The following CHIT1 variants were observed in gnomAD, a reference collection of about 807,000 sequenced individuals.
CHIT1 encodes the protein chitotriosidase-1.
A neutral mutation model predicts 52.0 loss-of-function variants in CHIT1; 47 were observed. That is an observed-to-expected ratio of 0.90 (90% CI 0.71 to 1.15). CHIT1 has a LOEUF of 1.15. CHIT1 is among the 50% of genes most tolerant of loss of function. The pLI, the probability that CHIT1 is intolerant of heterozygous loss-of-function variation, is 0.00. For missense variants in CHIT1, 569 were observed against 583.0 expected (o/e 0.98, Z 0.25); for synonymous variants, 242 against 228.2 (o/e 1.06, Z -0.54).
At chr1:203,217,962 C>T (rs1656598724) in intron 9 of CHIT1, 97 bp from the exon 10 acceptor site, 1 of 1,540,268 alleles carries the variant, frequency 6.5e-7, no homozygotes, top group Non-Finnish European at 8.7e-7. Context: ...CTTTTTGCTC[C>T]AGCAGCCTCA....
rs1221437568 is a variant in CHIT1, at chr1:203,222,284, C to A, written c.647G>T (p.Gly216Val). Residue 216 changes from glycine to valine, a missense_variant, in exon 7 of 11, where the codon GGC becomes GTC. Transcript: ENST00000367229. ...FVNLMAYDFH[G>V]SWEKVTGHNS... ...ATGTCCCGTGACCTTCTCCCAAGAGCCATGGAAGTCGTAGGCCATAAGGTT... is the reference window on the plus strand; with the variant it reads ...ATGTCCCGTGACCTTCTCCCAAGAGACATGGAAGTCGTAGGCCATAAGGTT... 1.9e-6 allele frequency: 3 copies of A among 1,614,202 alleles called. No homozygotes were observed. The highest frequency in any genetic ancestry group is 1.1e-5 in the South Asian group (1 of 91,088).
chr1:203,219,522 G>T, intron 8 of CHIT1, 142 bp downstream of exon 8: 1 of 1,094,120 alleles, frequency 9.1e-7, no homozygotes, highest in Non-Finnish European at 1.4e-6. Context: ...AATTCAAGAT[G>T]GCATGGATGA....
chr1:203,225,099 G>C lies in CHIT1; in HGVS notation c.263C>G (p.Pro88Arg), dbSNP rs780037348. 16 of 1,613,642 alleles carry C rather than the reference G, an allele frequency of 9.9e-6. No homozygotes were observed. The Admixed American group carries it at 2.5e-4, about 25-fold the overall frequency. The change falls in exon 4 of 11, where the codon CCC (proline) becomes CGC (arginine). Residue 88 changes from proline (P) to arginine (R), a missense_variant. Transcript: ENST00000367229. ...GATGGCTAACAGGGTCTTCAGCTTGGGATTCCTGGGAAAGACAGGAGACAC... is the reference window on the plus strand; with the variant it reads ...GATGGCTAACAGGGTCTTCAGCTTGCGATTCCTGGGAAAGACAGGAGACAC... The part of the protein sequence containing the change: ...QEFNGLKKMN[P>R]KLKTLLAIGG...
rs1571844330 is a variant in CHIT1 at position 203,219,694 on chromosome 1, G to A, written c.885C>T (p.Thr295=). The change falls in exon 8 of 11, where the codon ACC becomes ACT. Residue 295 remains threonine, a synonymous_variant. Transcript: ENST00000367229. Reference sequence around the variant, plus strand: ...AGTAGGCCAGCATCCCTCCTTCCTTGGTGAAGGGGCCTGGAGTGCCAGACC... The same window carrying A: ...AGTAGGCCAGCATCCCTCCTTCCTTAGTGAAGGGGCCTGGAGTGCCAGACC... The part of the protein sequence containing the change: ...ATGSGTPGPF[T]KEGGMLAYYE... The A allele has an allele frequency of 6.2e-7, 1 of 1,614,162 alleles. No individual in the cohort carries two copies. Among genetic ancestry groups the A allele is most frequent in the East Asian group, 2.2e-5 (1 of 44,878 alleles).
intron 7 of CHIT1, among the ~76,000 whole-genome samples, chr1:203,221,182 G>A (rs1656717563): frequency 6.6e-6 from 1 of 152,232 alleles, no homozygotes; most frequent in Admixed American, 6.5e-5. Flanking sequence ...ATACAGAGAT[G>A]TGGGCTCTCC....
chr1:203,219,486 G>A (rs1656653564), intron 8 of CHIT1, 157 bp from the exon 9 acceptor site: 3 of 920,044 alleles, frequency 3.3e-6, no homozygotes, highest in Admixed American at 1.9e-5. Context: ...TCTGGACTCA[G>A]CTTGAGGCAC....
Position 203,216,931 on chromosome 1 carries a change from GC to G in CHIT1, c.1358del (p.Gly453AlafsTer25). On this transcript the variant is annotated frameshift_variant, in exon 11 of 11. Transcript: ENST00000367229. LOFTEE classifies it high-confidence loss of function. Reference protein sequence around the residue: ...GRLFQQSCPTGLVFSNSCKCC... With the variant: ...GRLFQQSCPTXLVFSNSCKCC... ...ATTTGCAGGAGTTGCTGAACACCAG[GC>G]CTGTCGGGCAGCTTTGCTGGAACAG... 6.2e-7 allele frequency: 1 copy of G among 1,614,208 alleles called. No homozygotes were observed. Among genetic ancestry groups the G allele is most frequent in the Non-Finnish European group, 8.5e-7 (1 of 1,180,026 alleles).
In CHIT1 at chr1:203,217,738, C is replaced by A. The variant is rs1207580439; in HGVS notation, c.1156+1G>T. ...CCACTGGCCCTGGGCCCCTTACTTA[C>A]TCAGTTCCTGCCGTAGCGTCTGGAT... is the stretch of plus-strand genomic sequence containing the variant. On this transcript the variant is annotated splice_donor_variant, in intron 10 of 10. Transcript: ENST00000367229. LOFTEE classifies it high-confidence loss of function. The A allele has an allele frequency of 6.3e-7, 1 of 1,599,798 alleles. No individual in the cohort carries two copies. Among genetic ancestry groups the A allele is most frequent in the Admixed American group, 1.7e-5 (1 of 59,296 alleles).
chr1:203,219,211 C>T lies in CHIT1; in HGVS notation c.1029+5G>A, dbSNP rs773894383. ...CACCCCTCTGCCAGCAGAGCTGGGC[C>T]TCACCTTGGTTTTGAAGCTCTCCAC... On this transcript the variant is annotated splice_donor_5th_base_variant and intron_variant, in intron 9 of 10. Coordinates refer to ENST00000367229, the MANE Select transcript of CHIT1 (RefSeq NM_003465.3). 2.6e-6 allele frequency: 4 copies of T among 1,520,102 alleles called. No homozygotes were observed. The highest frequency in any genetic ancestry group is 2.7e-6 in the Non-Finnish European group (3 of 1,093,966). The allele number at this position is 1,520,102 out of a possible 1,614,324, so 94.2% of individuals were successfully genotyped here.
At position 203,218,051 on chromosome 1, in the gene CHIT1, T is replaced by C. The variant is rs1175421313; in HGVS notation, c.1030-186A>G. ...GCTGAGTCCTCATGCTGCTTGGACA[T>C]CAGTCATTTTGCAGTCTCCTTGTCT... On this transcript the variant is annotated intron_variant, in intron 9 of 10. Transcript: ENST00000367229. 6 of 1,528,078 alleles carry C rather than the reference T, an allele frequency of 3.9e-6. No homozygotes were observed. In the East Asian group the frequency reaches 1.0e-4, roughly 25 times the overall value. 94.7% of individuals were successfully genotyped at this position (1,528,078 alleles called of 1,614,324 possible).
chr1:203,217,173 G>T, intron 10 of CHIT1, 40 bp from the exon 11 acceptor site: 1 of 1,599,298 alleles, frequency 6.3e-7, no homozygotes, highest in South Asian at 1.1e-5. Context: ...CTCCCCCGAA[G>T]AGATCCCAAA....
At chr1:203,221,471 A>G (rs1020126541) in intron 7 of CHIT1, among the ~76,000 whole-genome samples, 6 of 152,038 alleles carry the variant, frequency 3.9e-5, no homozygotes, top group Admixed American at 3.3e-4. Flanking sequence ...CCATCTCTAC[A>G]AACTTAAAAA....
chr1:203,218,034 C>G (rs1301067509), intron 9 of CHIT1, 169 bp from the exon 10 acceptor site: 2 of 1,531,994 alleles, frequency 1.3e-6, no homozygotes, highest in African/African-American at 2.7e-5. Flanking sequence ...ATGCTGAGTC[C>G]TCATGCTGCT....
rs561886265 is a variant in CHIT1, at chr1:203,225,993, G to A, written c.56-123C>T. ...TCTTCTACACCTGGAGTCAGTGGAG[G>A]GACCCGACAGGCAGAAATGGCATTT... On this transcript the variant is annotated intron_variant, in intron 2 of 10. Coordinates refer to ENST00000367229, the MANE Select transcript of CHIT1 (RefSeq NM_003465.3). 187 of 1,023,128 alleles carry A rather than the reference G, an allele frequency of 1.8e-4. 1 individual carries two copies. In the South Asian group the frequency reaches 2.2e-3, roughly 12 times the overall value. The allele number at this position is 1,023,128 out of a possible 1,614,324, so 63.4% of individuals were successfully genotyped here.
chr1:203,227,162 C>T (rs982662936), intron 2 of CHIT1, among the ~76,000 whole-genome samples: 1 of 152,150 alleles, frequency 6.6e-6, no homozygotes, highest in Non-Finnish European at 1.5e-5. Context: ...TCAGGCAGGC[C>T]TCAACTAGAA....
At chr1:203,229,757 G>A (rs745681596), upstream of CHIT1, 11 of 1,194,182 alleles carry the variant, frequency 9.2e-6, 1 homozygote, top group Non-Finnish European at 1.2e-5. Flanking sequence ...CACTGGGTGG[G>A]GGGGATGGGA....
chr1:203,226,875 C>T (rs1247083850), intron 2 of CHIT1, among the ~76,000 whole-genome samples: 3 of 152,112 alleles, frequency 2.0e-5, no homozygotes, highest in South Asian at 2.1e-4. Context: ...TCTTCAATCC[C>T]GGCCCCATCT....
chr1:203,229,681 C>T, upstream of CHIT1: 5 of 1,612,766 alleles, frequency 3.1e-6, no homozygotes, highest in Non-Finnish European at 4.2e-6. Context: ...ACCAGCTTTC[C>T]AGGTCCTGCT....
chr1:203,226,183 C>A (rs966614575), intron 2 of CHIT1, among the ~76,000 whole-genome samples: 1 of 152,216 alleles, frequency 6.6e-6, no homozygotes, highest in African/African-American at 2.4e-5. Context: ...AGCATGGCTG[C>A]TAAGAGGGCA....
Sources: allele counts gnomAD v4.1 joint callset (sites outside exome capture counted in the v4.1 genomes callset), GRCh38; gene constraint gnomAD v4.1.1; transcripts MANE v1.5; gene names NCBI Gene and HGNC (gene_info 2026-07-23, HGNC 2026-07-21).